The following IL7 variants were observed in gnomAD, a reference collection of about 807,000 sequenced individuals.
IL7 encodes interleukin 7.
A neutral mutation model predicts 21.6 loss-of-function variants in IL7; 3 were observed. The observed-to-expected ratio is 0.14, with a 90% CI of 0.06 to 0.36. The LOEUF (loss-of-function observed/expected upper bound fraction) is 0.36, where lower values mean the gene tolerates loss of function less well. Ranked by LOEUF, IL7 falls within the 10% of genes least tolerant of loss-of-function variation. The pLI is 1.00. For missense variants in IL7, 175 were observed against 200.2 expected, an observed-to-expected ratio of 0.87 and a Z score of 0.76; for synonymous variants, 62 against 68.1, an observed-to-expected ratio of 0.91 and a Z score of 0.44.
At chr8:78,729,087 T>G (rs1811379803), downstream of IL7, among the ~76,000 whole-genome samples, 1 of 152,020 alleles carries the variant, frequency 6.6e-6, no homozygotes, top group Non-Finnish European at 1.5e-5. Flanking sequence ...TTATTAAATG[T>G]GTAAATATTG....
At chr8:78,732,602 T>C (rs1811447524), downstream of IL7, among the ~76,000 whole-genome samples, 1 of 152,178 alleles carries the variant, frequency 6.6e-6, no homozygotes, top group Admixed American at 6.6e-5. Flanking sequence ...CAGACAAGTT[T>C]CTTTTAAAAG....
At chr8:78,773,303 C>T (rs186589854) in intron 2 of IL7, among the ~76,000 whole-genome samples, 10 of 152,092 alleles carry the variant, frequency 6.6e-5, no homozygotes, top group Middle Eastern at 3.2e-3. Context: ...CCCACACAGA[C>T]ACGGGGAGAA....
downstream of IL7, among the ~76,000 whole-genome samples, chr8:78,731,534 A>AT (rs879558903): frequency 5.5e-4 from 83 of 150,588 alleles, no homozygotes; most frequent in East Asian, 7.8e-3. Flanking sequence ...TTCCCTCCTT[A>AT]TTTTTTTTTC....
At chr8:78,780,546 T>C (rs558628446) in intron 2 of IL7, among the ~76,000 whole-genome samples, 1 of 152,268 alleles carries the variant, frequency 6.6e-6, no homozygotes, top group African/African-American at 2.4e-5. Context: ...TGCTTTTGAG[T>C]GAGTTCCTTA....
intron 2 of IL7, among the ~76,000 whole-genome samples, chr8:78,795,646 T>C (rs547910665): frequency 6.6e-6 from 1 of 152,204 alleles, no homozygotes; most frequent in Non-Finnish European, 1.5e-5. Flanking sequence ...CACATATAGT[T>C]ATTTATAAAT....
chr8:78,750,972 A>G (rs1812148090), intron 2 of IL7, among the ~76,000 whole-genome samples: 1 of 152,296 alleles, frequency 6.6e-6, no homozygotes, highest in Non-Finnish European at 1.5e-5. Context: ...ATAAAGATCA[A>G]AAACAGAAAG....
In IL7 at chr8:78,676,828, C is replaced by T. The variant is rs368402228; in HGVS notation, n.274-724G>A. On this transcript the variant is annotated intron_variant and non_coding_transcript_variant, in intron 4 of 4. Coordinates refer to the IL7 transcript ENST00000523959. ...TGAATTTCACAGCAAAAAAAAAGTG[C>T]CTTTTTTGGCTCTCATTTATGTGGT... 2.6e-3 allele frequency among the ~76,000 whole-genome samples: 402 copies of T among 151,878 alleles called. 3 individuals are homozygous for T. Among genetic ancestry groups the T allele is most frequent in the Admixed American group, 6.6e-3 (101 of 15,256 alleles).
At chr8:78,775,483 T>A (rs1162847004) in intron 2 of IL7, among the ~76,000 whole-genome samples, 1 of 152,130 alleles carries the variant, frequency 6.6e-6, no homozygotes, top group Admixed American at 6.6e-5. Flanking sequence ...GATGACTGTG[T>A]GCATTTCTGA....
rs1814076519 is a variant in IL7 at position 78,801,959 on chromosome 8, A to G, written c.10+2954T>C. ...AGAGTGCTTTTGGCATTGTTGTCAC[A>G]CCCACACTCCCCACCATCCTGAACT... On this transcript the variant is annotated intron_variant, in intron 1 of 5. Coordinates refer to ENST00000263851, the MANE Select transcript of IL7 (RefSeq NM_000880.4). 2.0e-5 allele frequency among the ~76,000 whole-genome samples: 3 copies of G among 152,112 alleles called. No homozygotes were observed. In the South Asian group the frequency reaches 6.2e-4, roughly 32 times the overall value.
intron 2 of IL7, among the ~76,000 whole-genome samples, chr8:78,749,282 T>C (rs956138177): frequency 2.6e-5 from 4 of 152,198 alleles, no homozygotes; most frequent in African/African-American, 9.6e-5. Flanking sequence ...CTTAATACTA[T>C]ATAAATCAAT....
chr8:78,704,423 T>G (rs1246824086), intron 3 of IL7, among the ~76,000 whole-genome samples: 2 of 151,096 alleles, frequency 1.3e-5, no homozygotes, highest in Non-Finnish European at 2.9e-5. Flanking sequence ...TAAATATTGG[T>G]CCCCAATATC....
chr8:78,740,870 T>C (rs1436488659), intron 2 of IL7, among the ~76,000 whole-genome samples: 2 of 152,202 alleles, frequency 1.3e-5, no homozygotes, highest in South Asian at 4.1e-4. Context: ...TGCGCTATTT[T>C]TTTTTTCATT....
At chr8:78,717,435 A>C, downstream of IL7, 1 of 1,612,050 alleles carries the variant, frequency 6.2e-7, no homozygotes, top group Non-Finnish European at 8.5e-7. Flanking sequence ...GGGACTAAAT[A>C]CCCTGTAGAA....
At chr8:78,799,912 T>TAA (rs201402178) in intron 1 of IL7, among the ~76,000 whole-genome samples, 1 of 152,100 alleles carries the variant, frequency 6.6e-6, no homozygotes, top group African/African-American at 2.4e-5. Context: ...TTTTGGCAAT[T>TAA]AAAAAAATGT....
chr8:78,761,717 T>A (rs4739138), intron 2 of IL7: 1 of 1,611,784 alleles, frequency 6.2e-7, no homozygotes, highest in East Asian at 2.2e-5. Context: ...CTCTAGCATC[T>A]GCCTCTGCTG....
downstream of IL7, among the ~76,000 whole-genome samples, chr8:78,717,171 A>G (rs180682052): frequency 3.5e-3 from 529 of 152,322 alleles, 16 homozygotes; most frequent in Non-Finnish European, 4.7e-4. Flanking sequence ...GAATTTTAGT[A>G]TTTACTAACA....
At chr8:78,766,019 C>T (rs1272323101) in intron 2 of IL7, among the ~76,000 whole-genome samples, 1 of 151,788 alleles carries the variant, frequency 6.6e-6, no homozygotes, top group Non-Finnish European at 1.5e-5. Context: ...TATAAAGCAA[C>T]AAGAAAACAT....
In IL7 at chr8:78,804,932, G is replaced by C. The variant is rs748709130; in HGVS notation, c.-10C>G. ...GCTTACCATGGAACATGGTCTGCGG[G>C]AGGCGGGCGTAGTCATGATGACCGC... On this transcript the variant is annotated 5_prime_UTR_variant, in exon 1 of 6. Transcript: ENST00000263851. The C allele has an allele frequency of 4.3e-6, 7 of 1,611,948 alleles. No individual in the cohort carries two copies. The African/African-American group carries it at 8.0e-5, about 18-fold the overall frequency.
At chr8:78,686,661 G>C in intron 3 of IL7, 1 of 1,400,046 alleles carries the variant, frequency 7.1e-7, no homozygotes, top group Non-Finnish European at 9.3e-7. Context: ...AATAATGATA[G>C]AGTTTTTATA....
Sources: allele counts gnomAD v4.1 joint callset (sites outside exome capture counted in the v4.1 genomes callset), GRCh38; gene constraint gnomAD v4.1.1; transcripts MANE v1.5; gene names NCBI Gene and HGNC (gene_info 2026-07-23, HGNC 2026-07-21).